The following SLC23A1 variants were observed in gnomAD, a reference collection of about 807,000 sequenced individuals.
SLC23A1 encodes Na(+)/L-ascorbic acid transporter 1.
SLC23A1 carries 31 observed loss-of-function variants against 62.5 expected under a neutral mutation model. That is an observed-to-expected ratio of 0.50 (90% CI 0.37 to 0.67). SLC23A1 has a LOEUF of 0.67. Among genes scored for constraint, SLC23A1 ranks in the 30% least tolerant of loss-of-function variants. SLC23A1 has a pLI of 0.00. For synonymous variants in SLC23A1, 271 were observed against 313.2 expected (o/e 0.87, Z 1.42); for missense variants, 640 against 782.7 (o/e 0.82, Z 2.18).
chr5:139,381,876 G>A lies in SLC23A1; in HGVS notation c.308+16C>T, dbSNP rs1272230914. 1 of 1,548,392 alleles carries A rather than the reference G, an allele frequency of 6.5e-7. No homozygotes were observed. The highest frequency in any genetic ancestry group is 1.2e-5 in the South Asian group (1 of 83,924). Reference sequence around the variant, plus strand: ...GAGGGGTGGCGGGGGACGGGTTGGGGGGCTGGGCGGCTCACCGGATGCCCA... The same window carrying A: ...GAGGGGTGGCGGGGGACGGGTTGGGAGGCTGGGCGGCTCACCGGATGCCCA... On this transcript the variant is annotated intron_variant, in intron 3 of 14. Coordinates refer to ENST00000348729, the MANE Select transcript of SLC23A1 (RefSeq NM_005847.5).
In SLC23A1 at chr5:139,377,286, C is replaced by T. The variant is rs1033812417; in HGVS notation, c.1549+116G>A. On this transcript the variant is annotated intron_variant, in intron 13 of 14. Coordinates refer to ENST00000348729, the MANE Select transcript of SLC23A1 (RefSeq NM_005847.5). ...CACCAGCCCATCTATTCCTGATGCT[C>T]CCTGCAGGGCCTGCATTGCATGGGA... 5 of 682,288 alleles carry T rather than the reference C, an allele frequency of 7.3e-6. No individual in the cohort carries two copies. The African/African-American group carries it at 8.8e-5, about 12-fold the overall frequency. 42.3% of individuals were successfully genotyped at this position (682,288 alleles called of 1,614,324 possible).
intron 13 of SLC23A1, among the ~76,000 whole-genome samples, chr5:139,375,424 A>G (rs577542420): frequency 1.3e-5 from 2 of 152,308 alleles, no homozygotes; most frequent in Admixed American, 1.3e-4. Context: ...TCAGCTCTTC[A>G]GGAGGCCGAG....
At chr5:139,372,343 A>G (rs1757715248) in intron 13 of SLC23A1, 90 bp from the exon 14 acceptor site, 1 of 1,216,152 alleles carries the variant, frequency 8.2e-7, no homozygotes, top group East Asian at 2.3e-5. Context: ...AGACTTCTGG[A>G]ATCAAGTATC....
Position 139,379,273 on chromosome 5 carries a change from A to G in SLC23A1, c.1007T>C (p.Ile336Thr). ...SATLAGIIES[I>T]GDYYACARLA... ...GCGGGCACAGGCGTAGTAATCTCCG[A>G]TGGACTCAATGATGCCTGCCAGAGT... The change falls in exon 9 of 15, where the codon ATC becomes ACC. Residue 336 changes from isoleucine (I) to threonine (T), a missense_variant. Transcript: ENST00000348729. This position sits in a 1 kb window ranked among gnomAD's most constrained non-coding sequence, Gnocchi z 4.7. 6.2e-7 allele frequency: 1 copy of G among 1,614,176 alleles called. No individual in the cohort carries two copies. Among genetic ancestry groups the G allele is most frequent in the South Asian group, 1.1e-5 (1 of 91,086 alleles).
At chr5:139,384,325 T>G (rs532350811), upstream of SLC23A1, 117 of 1,255,296 alleles carry the variant, frequency 9.3e-5, no homozygotes, top group Non-Finnish European at 1.2e-4. Flanking sequence ...CCCTCTGGGC[T>G]GCCCCAGCCC....
chr5:139,384,457 G>A (rs757431683), upstream of SLC23A1: 6 of 1,289,608 alleles, frequency 4.7e-6, no homozygotes, highest in East Asian at 5.5e-5. Flanking sequence ...CACTGAGTCC[G>A]CCCGCCTGCC....
In SLC23A1 at chr5:139,382,048, T is replaced by C; in HGVS notation, c.152A>G (p.His51Arg). ...WYLCILLGFQ[H>R]YLTCFSGTIA... Reference sequence around the variant, plus strand: ...GGTACCACTGAAGCATGTCAGGTAGTGCTGGGCAGAGGGAGACAGCAGAGT... The same window carrying C: ...GGTACCACTGAAGCATGTCAGGTAGCGCTGGGCAGAGGGAGACAGCAGAGT... The change falls in exon 3 of 15, where the codon CAC becomes CGC. Residue 51 changes from histidine to arginine, a missense_variant and splice_region_variant. Physicochemically the swap from His to Arg is conservative, Grantham distance 29. Transcript: ENST00000348729. The C allele has an allele frequency of 1.2e-6, 2 of 1,607,744 alleles. No homozygotes were observed. Among genetic ancestry groups the C allele is most frequent in the Non-Finnish European group, 1.7e-6 (2 of 1,177,042 alleles).
At position 139,380,877 on chromosome 5, in the gene SLC23A1, C is replaced by T. The variant is rs114793168; in HGVS notation, c.318G>A (p.Leu106=). 287 of 1,333,762 alleles carry T rather than the reference C, an allele frequency of 2.2e-4. 1 individual carries two copies. Among genetic ancestry groups the T allele is most frequent in the Admixed American group, 1.6e-3 (69 of 42,506 alleles). 82.6% of individuals were successfully genotyped at this position (1,333,762 alleles called of 1,614,324 possible). ...IQTTVGIRLP[L]FQASAFAFLV... is the part of the protein sequence containing the mutation. ...GAAATGCAAAGGCACTGGCCTGGAA[C>T]AGCGGCAGCCTGGAGGAGAGGCACA... Residue 106 remains leucine (L), a synonymous_variant, in exon 4 of 15, where the codon CTG becomes CTA. Coordinates refer to ENST00000348729, the MANE Select transcript of SLC23A1 (RefSeq NM_005847.5).
Position 139,378,341 on chromosome 5 carries a change from C to T in SLC23A1, c.1190G>A (p.Arg397Gln). 1.9e-6 allele frequency: 3 copies of T among 1,564,666 alleles called. No individual in the cohort carries two copies. Among genetic ancestry groups the T allele is most frequent in the Non-Finnish European group, 2.6e-6 (3 of 1,155,596 alleles). Residue 397 changes from arginine (R) to glutamine (Q), a missense_variant, in exon 11 of 15, where the codon CGG (arginine) becomes CAG (glutamine). Transcript: ENST00000348729. This position sits in a 1 kb window ranked among gnomAD's most constrained non-coding sequence, Gnocchi z 4.5. Reference sequence around the variant, plus strand: ...AGCCGCACCATACTGCACCACGCGCCGGCTGCCCACCTGCCGGGGAGCCAG... The same window carrying T: ...AGCCGCACCATACTGCACCACGCGCTGGCTGCCCACCTGCCGGGGAGCCAG... ...GVLGITKVGS[R>Q]RVVQYGAAIM... is the part of the protein sequence containing the mutation.
rs780806320 is a variant in SLC23A1 at position 139,377,398 on chromosome 5, A to G, written c.1549+4T>C. 31 of 1,547,254 alleles carry G rather than the reference A, an allele frequency of 2.0e-5. No individual in the cohort carries two copies. The highest frequency in any genetic ancestry group is 2.7e-5 in the Non-Finnish European group (30 of 1,118,822). On this transcript the variant is annotated splice_donor_region_variant and intron_variant, in intron 13 of 14. Coordinates refer to ENST00000348729, the MANE Select transcript of SLC23A1 (RefSeq NM_005847.5). ...TTCATTCCCCTCCCAGGACCGAACC[A>G]TACCTGGCACTGTGTTGTCAAGTAT...
Sources: gnomAD v4.1 joint callset for allele counts (sites outside exome capture counted in the v4.1 genomes callset) on GRCh38, gnomAD v4.1.1 for gene constraint, Gnocchi (gnomAD v3.1) non-coding constraint, MANE v1.5 for transcripts, NCBI Gene and HGNC (gene_info 2026-07-23, HGNC 2026-07-21) for gene names.